PINX1: variants seen among roughly 807,000 people sequenced by gnomAD.
PINX1 encodes the protein PIN2 (TERF1) interacting telomerase inhibitor 1.
In PINX1, 34 loss-of-function variants were observed where a neutral mutation model predicts 25.4. The ratio of observed to expected loss-of-function variants is 1.34; its 90% CI spans 1.02 to 1.78. The LOEUF (loss-of-function observed/expected upper bound fraction) is 1.78, where lower values mean the gene tolerates loss of function less well. PINX1 is among the 40% of genes most tolerant of loss of function. The pLI, the probability that PINX1 is intolerant of heterozygous loss-of-function variation, is 0.00. For synonymous variants in PINX1, 197 were observed against 147.7 expected (o/e 1.33, Z -2.42); for missense variants, 592 against 404.9 (o/e 1.46, Z -3.97).
At chr8:10,825,936 A>C (rs1167095940) in intron 5 of PINX1, among the ~76,000 whole-genome samples, 2 of 152,228 alleles carry the variant, frequency 1.3e-5, no homozygotes, top group Admixed American at 6.5e-5. Flanking sequence ...TCTAAAACCT[A>C]ATCTGGGTCC....
At chr8:10,818,105 G>A (rs1280680601) in intron 6 of PINX1, among the ~76,000 whole-genome samples, 1 of 152,118 alleles carries the variant, frequency 6.6e-6, no homozygotes, top group Non-Finnish European at 1.5e-5. Context: ...GGAGAGCAGG[G>A]CCTGGTAGAA....
At chr8:10,813,246 T>C (rs565177624) in intron 6 of PINX1, among the ~76,000 whole-genome samples, 21 of 152,236 alleles carry the variant, frequency 1.4e-4, no homozygotes, top group African/African-American at 4.8e-4. Flanking sequence ...GGTAGAGCGA[T>C]AGGTGCAGGA....
chr8:10,781,384 G>A (rs1253365147), intron 6 of PINX1, among the ~76,000 whole-genome samples: 1 of 152,048 alleles, frequency 6.6e-6, no homozygotes, highest in East Asian at 1.9e-4. Flanking sequence ...GCACAGCAGA[G>A]GAAACAATCA....
At chr8:10,827,151 G>A (rs1013127426) in intron 4 of PINX1, among the ~76,000 whole-genome samples, 1 of 152,098 alleles carries the variant, frequency 6.6e-6, no homozygotes. Context: ...ATTATTTTGC[G>A]AATTCCTACA....
chr8:10,795,196 A>T (rs1229477318), intron 6 of PINX1, among the ~76,000 whole-genome samples: 1 of 152,174 alleles, frequency 6.6e-6, no homozygotes, highest in African/African-American at 2.4e-5. Context: ...AAATTCACCA[A>T]ATCTCCAGGG....
At chr8:10,817,883 C>T (rs559970868) in intron 6 of PINX1, among the ~76,000 whole-genome samples, 20 of 152,292 alleles carry the variant, frequency 1.3e-4, no homozygotes, top group Non-Finnish European at 2.4e-4. Context: ...TCAACCCTCG[C>T]TCCTTACTGA....
At chr8:10,805,251 C>T (rs1309697920) in intron 6 of PINX1, among the ~76,000 whole-genome samples, 2 of 152,178 alleles carry the variant, frequency 1.3e-5, no homozygotes, top group Admixed American at 1.3e-4. Context: ...AGCCTGCTGG[C>T]TACAGGAGGC....
chr8:10,831,102 C>T (rs1461650192), intron 4 of PINX1, among the ~76,000 whole-genome samples: 4 of 152,214 alleles, frequency 2.6e-5, no homozygotes, highest in Non-Finnish European at 4.4e-5. Flanking sequence ...CCACGGAATA[C>T]TATTTACCCT....
chr8:10,794,335 G>T (rs1563214503), intron 6 of PINX1, among the ~76,000 whole-genome samples: 1 of 152,056 alleles, frequency 6.6e-6, no homozygotes, highest in African/African-American at 2.4e-5. Context: ...ACACAGAAAA[G>T]TAACTTTTGT....
rs1798301158 is a variant in PINX1 at position 10,833,699 on chromosome 8, AGAAGAAT to A, written c.130-722_130-716del. The stretch of plus-strand genomic sequence containing the variant: ...TGACGACTGGGGTGCGGGAGGCTGG[AGAAGAAT>A]GACGACTGGGGTGCGGGAGGCTGGA... On this transcript the variant is annotated intron_variant, in intron 2 of 6. Transcript: ENST00000314787. The A allele has an allele frequency of 4.4e-5, 4 of 90,484 alleles. 1 individual carries two copies. Among genetic ancestry groups the A allele is most frequent in the Non-Finnish European group, 5.8e-5 (3 of 51,614 alleles). 5.6% of individuals were successfully genotyped at this position (90,484 alleles called of 1,614,324 possible).
chr8:10,793,528 G>A (rs1318194252), intron 6 of PINX1, among the ~76,000 whole-genome samples: 5 of 152,150 alleles, frequency 3.3e-5, no homozygotes, highest in South Asian at 2.1e-4. Context: ...ATTCAAAGCC[G>A]CCCTGGGCAG....
At chr8:10,790,704 T>C (rs933909147) in intron 6 of PINX1, among the ~76,000 whole-genome samples, 2 of 152,212 alleles carry the variant, frequency 1.3e-5, no homozygotes, top group Admixed American at 6.5e-5. Flanking sequence ...CAGCGACCTC[T>C]ACCTGCCTGC....
chr8:10,805,896 G>GT (rs1802434387), intron 6 of PINX1, among the ~76,000 whole-genome samples: 1 of 100,892 alleles, frequency 9.9e-6, no homozygotes, highest in Non-Finnish European at 2.0e-5. Context: ...CTAGTGCTGA[G>GT]GGGGTGACAG....
chr8:10,828,002 A>C (rs1436195270), intron 4 of PINX1, among the ~76,000 whole-genome samples: 2 of 151,926 alleles, frequency 1.3e-5, no homozygotes, highest in African/African-American at 4.8e-5. Flanking sequence ...CTGACAGTGG[A>C]GCGAAACAAG....
intron 5 of PINX1, among the ~76,000 whole-genome samples, chr8:10,823,821 C>T (rs1425222014): frequency 6.6e-6 from 1 of 152,042 alleles, no homozygotes; most frequent in African/African-American, 2.4e-5. Flanking sequence ...GAGTGAGATC[C>T]TGTCTCAAAA....
At chr8:10,809,698 A>G (rs1210941103) in intron 6 of PINX1, among the ~76,000 whole-genome samples, 1 of 152,190 alleles carries the variant, frequency 6.6e-6, no homozygotes, top group African/African-American at 2.4e-5. Flanking sequence ...CCAGGACAAG[A>G]AGCACATCTT....
intron 6 of PINX1, among the ~76,000 whole-genome samples, chr8:10,795,580 T>G (rs2129078076): frequency 6.6e-6 from 1 of 152,282 alleles, no homozygotes; most frequent in African/African-American, 2.4e-5. Flanking sequence ...TTTGTATTCT[T>G]AGTAAAGATG....
chr8:10,797,187 T>C (rs971550637), intron 6 of PINX1, among the ~76,000 whole-genome samples: 9 of 152,212 alleles, frequency 5.9e-5, no homozygotes, highest in African/African-American at 1.9e-4. Context: ...GTCTGAGTCT[T>C]CAGCCAGGTT....
At chr8:10,804,643 T>C (rs779637833) in intron 6 of PINX1, among the ~76,000 whole-genome samples, 23 of 151,890 alleles carry the variant, frequency 1.5e-4, no homozygotes, top group Non-Finnish European at 3.2e-4. Context: ...AGGATTACAA[T>C]TTAGGGGTCA....
Sources: gnomAD v4.1 joint callset for allele counts (sites outside exome capture counted in the v4.1 genomes callset) on GRCh38, gnomAD v4.1.1 for gene constraint, MANE v1.5 for transcripts, NCBI Gene and HGNC (gene_info 2026-07-23, HGNC 2026-07-21) for gene names.